FAM135B: variants seen among roughly 807,000 people sequenced by gnomAD.
FAM135B encodes the protein protein FAM135B.
FAM135B carries 43 observed loss-of-function variants against 127.7 expected under a neutral mutation model. The observed-to-expected ratio is 0.34, with a 90% CI of 0.26 to 0.43. FAM135B has a LOEUF of 0.43. Among genes scored for constraint, FAM135B ranks in the 20% least tolerant of loss-of-function variants. FAM135B has a pLI of 1.00. For missense variants in FAM135B, 1,558 were observed against 1,725.6 expected (o/e 0.90, Z 1.72); for synonymous variants, 670 against 665.1 (o/e 1.01, Z -0.11).
chr8:138,456,357 A>G (rs1174852266), intron 1 of FAM135B, among the ~76,000 whole-genome samples: 1 of 152,216 alleles, frequency 6.6e-6, no homozygotes, highest in Non-Finnish European at 1.5e-5. Flanking sequence ...GTATCTTTGA[A>G]CTGCAGATTT....
At chr8:138,334,576 G>C (rs999540967) in intron 2 of FAM135B, among the ~76,000 whole-genome samples, 8 of 151,882 alleles carry the variant, frequency 5.3e-5, no homozygotes, top group Admixed American at 5.3e-4. Context: ...CCAGTGTATC[G>C]TGTTCCCCTC....
intron 1 of FAM135B, chr8:138,437,461 C>T (rs1486232914): frequency 6.6e-6 from 1 of 152,168 alleles, no homozygotes; most frequent in Admixed American, 6.5e-5. Flanking sequence ...CACTCGATAC[C>T]TCTCCTTCCT....
chr8:138,341,896 A>T (rs907628), intron 2 of FAM135B, among the ~76,000 whole-genome samples: 1 of 152,172 alleles, frequency 6.6e-6, no homozygotes, highest in Non-Finnish European at 1.5e-5. Context: ...CCAGAAGTTC[A>T]CTAATAAGCC....
At chr8:138,167,784 T>A (rs1820070860) in intron 12 of FAM135B, 111 bp downstream of exon 12, 2 of 1,262,426 alleles carry the variant, frequency 1.6e-6, no homozygotes, top group Non-Finnish European at 2.2e-6. Flanking sequence ...ACTGACATAA[T>A]CCTTCATTAA....
chr8:138,299,991 G>A (rs1487777641), intron 3 of FAM135B, among the ~76,000 whole-genome samples: 2 of 151,562 alleles, frequency 1.3e-5, no homozygotes, highest in African/African-American at 2.4e-5. Context: ...TATTTGAGAC[G>A]GAATCTCGCT....
intron 2 of FAM135B, among the ~76,000 whole-genome samples, chr8:138,324,066 G>GT (rs377584907): frequency 2.0e-5 from 3 of 152,204 alleles, no homozygotes; most frequent in African/African-American, 7.2e-5. Flanking sequence ...CTTGAGGGTA[G>GT]TAAGTGGTCA....
At chr8:138,316,739 G>A (rs1055997905) in intron 2 of FAM135B, among the ~76,000 whole-genome samples, 11 of 151,876 alleles carry the variant, frequency 7.2e-5, no homozygotes, top group Non-Finnish European at 1.5e-4. Flanking sequence ...CCACCACTTT[G>A]GGAGGCCAAG....
At position 138,148,518 on chromosome 8, in the gene FAM135B, A is replaced by G. The variant is rs2130687440; in HGVS notation, c.3448+2T>C. 6.2e-7 allele frequency: 1 copy of G among 1,613,238 alleles called. No homozygotes were observed. ...GGGAAGAAAACTTGTTTTAGAACTC[A>G]CCATCCAGGCCATGGACACAGACAA... On this transcript the variant is annotated splice_donor_variant, in intron 14 of 19. Transcript: ENST00000395297. LOFTEE classifies it high-confidence loss of function.
intron 1 of FAM135B, among the ~76,000 whole-genome samples, chr8:138,489,862 A>G (rs2131695327): frequency 6.6e-6 from 1 of 152,158 alleles, no homozygotes; most frequent in East Asian, 1.9e-4. Context: ...CTTTCCATTC[A>G]TGTCTCATAT....
chr8:138,153,685 A>C (rs948579668), intron 12 of FAM135B, among the ~76,000 whole-genome samples: 1 of 152,166 alleles, frequency 6.6e-6, no homozygotes, highest in Non-Finnish European at 1.5e-5. Context: ...AGCCTAGCTC[A>C]CTGCTAGCAC....
chr8:138,319,609 G>A (rs1415736829), intron 2 of FAM135B, among the ~76,000 whole-genome samples: 1 of 152,292 alleles, frequency 6.6e-6, no homozygotes, highest in African/African-American at 2.4e-5. Context: ...CAGTAGCCTA[G>A]ATTTGCACAG....
chr8:138,161,973 A>G (rs1819445676), intron 12 of FAM135B, among the ~76,000 whole-genome samples: 1 of 152,242 alleles, frequency 6.6e-6, no homozygotes, highest in South Asian at 2.1e-4. Flanking sequence ...AATTGAGAAT[A>G]GAACAGAATT....
chr8:138,220,898 G>C lies in FAM135B; in HGVS notation c.669+22044C>G, dbSNP rs193283383. On this transcript the variant is annotated intron_variant, in intron 7 of 19. Coordinates refer to ENST00000395297, the MANE Select transcript of FAM135B (RefSeq NM_015912.4). ...CCTCAGCCAACAAGGAGAAACAAAT[G>C]TACTCACCCACGTGAAATAACTAAA... Among the ~76,000 whole-genome samples the C allele has an allele frequency of 2.0e-5, 3 of 152,318 alleles. No homozygotes were observed. In the East Asian group the frequency reaches 5.8e-4, roughly 29 times the overall value.
chr8:138,225,533 G>A (rs1348806913), intron 7 of FAM135B, among the ~76,000 whole-genome samples: 1 of 152,124 alleles, frequency 6.6e-6, no homozygotes, highest in Non-Finnish European at 1.5e-5. Flanking sequence ...CAGGTGCTGT[G>A]TAGGTGTGTG....
At chr8:138,397,648 CTT>C (rs1188370293) in intron 1 of FAM135B, among the ~76,000 whole-genome samples, 1 of 152,160 alleles carries the variant, frequency 6.6e-6, no homozygotes, top group Non-Finnish European at 1.5e-5. Flanking sequence ...CATCTTATAT[CTT>C]AGCAGTGACA....
At chr8:138,457,741 G>A (rs1332531332) in intron 1 of FAM135B, among the ~76,000 whole-genome samples, 1 of 152,152 alleles carries the variant, frequency 6.6e-6, no homozygotes, top group Non-Finnish European at 1.5e-5. Flanking sequence ...AGAGGCTGAG[G>A]CAGGCTAATC....
intron 1 of FAM135B, among the ~76,000 whole-genome samples, chr8:138,420,854 G>C (rs1253823554): frequency 6.6e-6 from 1 of 152,164 alleles, no homozygotes; most frequent in East Asian, 1.9e-4. Context: ...AAAATAACAA[G>C]AGATGTCTAA....
chr8:138,183,526 G>A (rs960646656), intron 9 of FAM135B, among the ~76,000 whole-genome samples: 4 of 152,212 alleles, frequency 2.6e-5, no homozygotes, highest in Non-Finnish European at 5.9e-5. Flanking sequence ...CAGACGACAG[G>A]AGGAATCTCC....
intron 1 of FAM135B, among the ~76,000 whole-genome samples, chr8:138,487,024 G>T (rs1815010126): frequency 6.6e-6 from 1 of 151,606 alleles, no homozygotes. Flanking sequence ...GTGCCGGTTT[G>T]TTACATATGT....
Sources: allele counts gnomAD v4.1 joint callset (sites outside exome capture counted in the v4.1 genomes callset), GRCh38; gene constraint gnomAD v4.1.1; transcripts MANE v1.5; gene names NCBI Gene and HGNC (gene_info 2026-07-23, HGNC 2026-07-21).